The following CNBD1 variants were observed in gnomAD, a reference collection of about 807,000 sequenced individuals.
The protein encoded by CNBD1 is cyclic nucleotide-binding domain-containing protein 1.
CNBD1 carries 71 observed loss-of-function variants against 54.4 expected under a neutral mutation model. The observed-to-expected ratio is 1.30, with a 90% CI of 1.08 to 1.59. The LOEUF is 1.59. Among genes scored for constraint, CNBD1 ranks in the 40% most tolerant of loss-of-function variants. The probability of loss-of-function intolerance (pLI) is 0.00; values close to 1 mark genes in which losing one functional copy is unlikely to be tolerated. For synonymous variants in CNBD1, 182 were observed against 170.7 expected (o/e 1.07, Z -0.51); for missense variants, 659 against 518.0 (o/e 1.27, Z -2.64).
chr8:87,284,947 T>C (rs757808402), intron 7 of CNBD1, 132 bp downstream of exon 7: 1 of 655,726 alleles, frequency 1.5e-6, no homozygotes, highest in Non-Finnish European at 2.4e-6. Context: ...ACCATAAAAA[T>C]GTTATTTGAC....
At chr8:87,208,421 A>C (rs889693377) in intron 5 of CNBD1, among the ~76,000 whole-genome samples, 12 of 151,722 alleles carry the variant, frequency 7.9e-5, no homozygotes, top group African/African-American at 2.9e-4. Flanking sequence ...TAATATTACT[A>C]TATATGAGTA....
chr8:87,132,051 G>A lies in CNBD1; in HGVS notation c.432-73942G>A, dbSNP rs563262881. Among the ~76,000 whole-genome samples the A allele has an allele frequency of 5.3e-4, 81 of 151,772 alleles. 1 individual carries two copies. The East Asian group carries it at 0.015, about 28-fold the overall frequency. ...TTTAAACATTGCTACAGTTTCTTCT[G>A]GCCTCTATTTTTTGTTTGCCTTATT... On this transcript the variant is annotated intron_variant, in intron 4 of 10. Coordinates refer to ENST00000518476, the MANE Select transcript of CNBD1 (RefSeq NM_173538.3).
chr8:87,220,877 T>C (rs775584282), intron 5 of CNBD1, among the ~76,000 whole-genome samples: 2 of 152,090 alleles, frequency 1.3e-5, no homozygotes, highest in African/African-American at 2.4e-5. Context: ...GATAGTTGTC[T>C]ACAAATGATC....
chr8:87,158,836 G>A (rs147395210), intron 4 of CNBD1, among the ~76,000 whole-genome samples: 1 of 152,096 alleles, frequency 6.6e-6, no homozygotes, highest in East Asian at 1.9e-4. Context: ...CAGCAAGCAA[G>A]AACTAAAACA....
At chr8:86,950,666 T>C (rs1452522776) in intron 4 of CNBD1, among the ~76,000 whole-genome samples, 1 of 152,162 alleles carries the variant, frequency 6.6e-6, no homozygotes, top group South Asian at 2.1e-4. Context: ...GAGAATGAGT[T>C]TGGAAGTGTG....
At chr8:86,970,278 T>G (rs1808189990) in intron 4 of CNBD1, among the ~76,000 whole-genome samples, 1 of 152,208 alleles carries the variant, frequency 6.6e-6, no homozygotes, top group Non-Finnish European at 1.5e-5. Flanking sequence ...TTCTGGAATT[T>G]CACTTAGTAA....
At chr8:87,334,438 C>G (rs1425548414) in intron 8 of CNBD1, among the ~76,000 whole-genome samples, 3 of 151,968 alleles carry the variant, frequency 2.0e-5, no homozygotes, top group Non-Finnish European at 4.4e-5. Flanking sequence ...TTTCTTTGCT[C>G]TTGCTTCTCT....
intron 6 of CNBD1, among the ~76,000 whole-genome samples, chr8:87,270,870 G>C (rs1216800865): frequency 1.3e-5 from 2 of 151,570 alleles, no homozygotes; most frequent in Non-Finnish European, 2.9e-5. Context: ...TTAAATTTTT[G>C]TTAGAATACA....
chr8:87,150,225 T>C (rs72665044), intron 4 of CNBD1, among the ~76,000 whole-genome samples: 6,249 of 151,952 alleles, frequency 0.041, 166 homozygotes, highest in Non-Finnish European at 0.062. Flanking sequence ...AACAGCTTTG[T>C]AGGATGGAAA....
At chr8:87,034,522 C>G (rs773144919) in intron 4 of CNBD1, among the ~76,000 whole-genome samples, 8 of 152,106 alleles carry the variant, frequency 5.3e-5, no homozygotes, top group Non-Finnish European at 7.4e-5. Flanking sequence ...AATACTGAAT[C>G]TTTGTATTTA....
intron 2 of CNBD1, chr8:87,428,406 A>C (rs1808086606): frequency 6.3e-6 from 2 of 319,330 alleles, no homozygotes; most frequent in African/African-American, 4.4e-5. Flanking sequence ...AGAAGTACTA[A>C]TGAATCAATT....
At chr8:87,151,565 C>T (rs2130749081) in intron 4 of CNBD1, among the ~76,000 whole-genome samples, 1 of 152,248 alleles carries the variant, frequency 6.6e-6, no homozygotes, top group Non-Finnish European at 1.5e-5. Context: ...GGACCCCTAG[C>T]CACTCTGGGG....
chr8:87,304,568 A>G (rs1313321661), intron 8 of CNBD1, among the ~76,000 whole-genome samples: 1 of 152,160 alleles, frequency 6.6e-6, no homozygotes, highest in Non-Finnish European at 1.5e-5. Context: ...GCACACCAAC[A>G]TGGCACATGT....
At chr8:86,936,388 G>A (rs1444366694) in intron 3 of CNBD1, among the ~76,000 whole-genome samples, 1 of 151,996 alleles carries the variant, frequency 6.6e-6, no homozygotes, top group Non-Finnish European at 1.5e-5. Flanking sequence ...CAATACAAAT[G>A]TTATGTATTT....
At chr8:87,077,394 C>T (rs895946066) in intron 4 of CNBD1, among the ~76,000 whole-genome samples, 9 of 148,608 alleles carry the variant, frequency 6.1e-5, no homozygotes, top group Non-Finnish European at 1.2e-4. Context: ...AGCTCTTAGG[C>T]CTCTTCTTCT....
At chr8:87,241,414 G>A (rs1368321439) in intron 6 of CNBD1, among the ~76,000 whole-genome samples, 1 of 151,780 alleles carries the variant, frequency 6.6e-6, no homozygotes, top group Non-Finnish European at 1.5e-5. Flanking sequence ...GGGACTACAG[G>A]GGCCTGCCAC....
chr8:87,425,336 G>A (rs188744800), intron 2 of CNBD1, among the ~76,000 whole-genome samples: 1,552 of 152,166 alleles, frequency 0.01, 21 homozygotes, highest in African/African-American at 0.033. Flanking sequence ...GTCATTCTCC[G>A]TCCAGCTTTG....
intron 8 of CNBD1, among the ~76,000 whole-genome samples, chr8:87,316,360 A>T (rs1293566627): frequency 3.9e-5 from 6 of 151,978 alleles, no homozygotes. Flanking sequence ...TTTAGTTTCC[A>T]TTTTTTGCTT....
intron 4 of CNBD1, among the ~76,000 whole-genome samples, chr8:87,198,636 CT>C (rs1366722748): frequency 6.6e-6 from 1 of 152,110 alleles, no homozygotes; most frequent in Non-Finnish European, 1.5e-5. Flanking sequence ...CAACACACAA[CT>C]TTTGCCAATC....
Sources: allele counts gnomAD v4.1 joint callset (sites outside exome capture counted in the v4.1 genomes callset), GRCh38; gene constraint gnomAD v4.1.1; transcripts MANE v1.5; gene names NCBI Gene and HGNC (gene_info 2026-07-23, HGNC 2026-07-21).